Variants in MVB12B observed in about 807,000 individuals in gnomAD.
MVB12B encodes the protein ESCRT-I complex subunit MVB12B.
MVB12B carries 16 observed loss-of-function variants against 41.6 expected under a neutral mutation model. The ratio of observed to expected loss-of-function variants is 0.38; its 90% CI spans 0.26 to 0.58. The LOEUF (loss-of-function observed/expected upper bound fraction) is 0.58, where lower values mean the gene tolerates loss of function less well. Among genes scored for constraint, MVB12B ranks in the 20% least tolerant of loss-of-function variants. MVB12B has a pLI of 0.62. For synonymous variants in MVB12B, 133 were observed against 139.7 expected (o/e 0.95, Z 0.34); for missense variants, 274 against 380.2 (o/e 0.72, Z 2.32).
chr9:126,374,688 G>C (rs535461153), intron 2 of MVB12B, among the ~76,000 whole-genome samples: 6 of 152,358 alleles, frequency 3.9e-5, no homozygotes, highest in African/African-American at 1.4e-4. Context: ...TGTGGGGAAG[G>C]CTGGAATCAG....
chr9:126,374,443 G>A (rs899456550), intron 2 of MVB12B, among the ~76,000 whole-genome samples: 8 of 152,202 alleles, frequency 5.3e-5, no homozygotes, highest in African/African-American at 1.9e-4. Flanking sequence ...CTTCCTGAAC[G>A]CACATCATCC....
chr9:126,377,716 G>A (rs917097234), intron 2 of MVB12B, among the ~76,000 whole-genome samples: 2 of 152,066 alleles, frequency 1.3e-5, no homozygotes, highest in East Asian at 3.9e-4. Context: ...AGTCCAGGGT[G>A]GGATAGCAGC....
intron 7 of MVB12B, chr9:126,481,086 T>G: frequency 1.8e-5 from 8 of 434,532 alleles, no homozygotes; most frequent in Admixed American, 1.2e-4. Context: ...GGGTGGAGAG[T>G]AGGGGTTCTG....
chr9:126,492,300 C>T (rs929961824), intron 9 of MVB12B, among the ~76,000 whole-genome samples: 5 of 151,652 alleles, frequency 3.3e-5, no homozygotes, highest in African/African-American at 1.2e-4. Flanking sequence ...AACCAATCCA[C>T]TATTGACTGA....
At chr9:126,399,929 C>A (rs774247471) in intron 6 of MVB12B, among the ~76,000 whole-genome samples, 1 of 152,158 alleles carries the variant, frequency 6.6e-6, no homozygotes, top group African/African-American at 2.4e-5. Context: ...TGGGCGCAGG[C>A]GGAGAGGGCC....
At chr9:126,445,582 C>T (rs1832747173) in intron 7 of MVB12B, among the ~76,000 whole-genome samples, 1 of 152,182 alleles carries the variant, frequency 6.6e-6, no homozygotes, top group African/African-American at 2.4e-5. Flanking sequence ...GGATTACAGG[C>T]GTGAGCCACC....
intron 2 of MVB12B, among the ~76,000 whole-genome samples, chr9:126,343,148 G>C (rs1829495461): frequency 6.6e-6 from 1 of 152,204 alleles, no homozygotes; most frequent in Non-Finnish European, 1.5e-5. Flanking sequence ...TCTGGGTCAG[G>C]GGAGCCTTCT....
chr9:126,367,943 G>C lies in MVB12B; in HGVS notation c.205-13121G>C, dbSNP rs1201456069. On this transcript the variant is annotated intron_variant, in intron 2 of 9. Coordinates refer to ENST00000361171, the MANE Select transcript of MVB12B (RefSeq NM_033446.3). The surrounding 1 kb of genome is among the most constrained non-coding windows in gnomAD (Gnocchi z 4.3). ...GACATATCATAAATGGCTAGAGAAT[G>C]TTTGCTGAAAGAAAAGGAAAGACTT... is the stretch of plus-strand genomic sequence containing the variant. 6.6e-6 allele frequency among the ~76,000 whole-genome samples: 1 copy of C among 152,302 alleles called. No individual in the cohort carries two copies. The highest frequency in any genetic ancestry group is 1.9e-4 in the East Asian group (1 of 5,186).
chr9:126,496,400 A>C (rs1410759143), intron 9 of MVB12B, among the ~76,000 whole-genome samples: 34 of 88,142 alleles, frequency 3.9e-4, no homozygotes, highest in East Asian at 9.9e-4. Context: ...ACCCATACCC[A>C]CCCACTCACT....
chr9:126,469,443 A>C (rs1833268679), intron 7 of MVB12B, among the ~76,000 whole-genome samples: 1 of 152,232 alleles, frequency 6.6e-6, no homozygotes, highest in Non-Finnish European at 1.5e-5. Flanking sequence ...GGTTTTGAGA[A>C]GGTAAAAAGA....
At chr9:126,338,158 C>A (rs1398610694) in intron 1 of MVB12B, among the ~76,000 whole-genome samples, 5 of 152,230 alleles carry the variant, frequency 3.3e-5, no homozygotes, top group African/African-American at 1.2e-4. Context: ...TTCACAAAGG[C>A]CGCCTCCGTC....
At chr9:126,352,302 G>T (rs1240093491) in intron 2 of MVB12B, among the ~76,000 whole-genome samples, 2 of 152,122 alleles carry the variant, frequency 1.3e-5, no homozygotes, top group Non-Finnish European at 2.9e-5. Flanking sequence ...TGTAGAATTA[G>T]TATTAATTAT....
intron 1 of MVB12B, among the ~76,000 whole-genome samples, chr9:126,334,158 A>C (rs1829213943): frequency 6.6e-6 from 1 of 152,170 alleles, no homozygotes; most frequent in Admixed American, 6.5e-5. Context: ...GCTTAGCCCA[A>C]GTGGCTCCGT....
chr9:126,344,188 G>A (rs954003260), intron 2 of MVB12B, among the ~76,000 whole-genome samples: 3 of 152,158 alleles, frequency 2.0e-5, no homozygotes, highest in Admixed American at 6.5e-5. Flanking sequence ...GGGAGACAGC[G>A]ATGAGCAAAA....
chr9:126,447,926 T>A (rs1219900102), intron 7 of MVB12B: 17 of 152,296 alleles, frequency 1.1e-4, no homozygotes. Flanking sequence ...ATTCCCCTTT[T>A]GTCGCATCTC....
intron 7 of MVB12B, among the ~76,000 whole-genome samples, chr9:126,426,602 T>C (rs1236403198): frequency 6.6e-6 from 1 of 152,120 alleles, no homozygotes; most frequent in African/African-American, 2.4e-5. Context: ...TTTTTTAATA[T>C]GTTTAGATGT....
Position 126,473,361 on chromosome 9 carries a change from C to T in MVB12B, c.758-8008C>T, listed in dbSNP as rs112466340. ...TTGAATCCTGGCTCCAGCCAAGCCT[C>T]ATAACTCCTCTAAGCCTTGCAAGTG... On this transcript the variant is annotated intron_variant, in intron 7 of 9. Coordinates refer to ENST00000361171, the MANE Select transcript of MVB12B (RefSeq NM_033446.3). The surrounding 1 kb of genome is among the most constrained non-coding windows in gnomAD (Gnocchi z 4.0). Among the ~76,000 whole-genome samples the T allele has an allele frequency of 2.6e-3, 399 of 152,368 alleles. No individual in the cohort carries two copies. The highest frequency in any genetic ancestry group is 9.0e-3 in the African/African-American group (375 of 41,590).
chr9:126,445,801 G>T (rs1255803304), intron 7 of MVB12B, among the ~76,000 whole-genome samples: 1 of 151,600 alleles, frequency 6.6e-6, no homozygotes, highest in Non-Finnish European at 1.5e-5. Flanking sequence ...TGGCCCTGTT[G>T]TTTTTTTTAA....
chr9:126,351,470 T>C (rs1020405730), intron 2 of MVB12B, among the ~76,000 whole-genome samples: 5 of 148,764 alleles, frequency 3.4e-5, no homozygotes, highest in Non-Finnish European at 3.0e-5. Flanking sequence ...TGGAAAACAT[T>C]CAGTCTTTCA....
Sources: allele counts gnomAD v4.1 joint callset (sites outside exome capture counted in the v4.1 genomes callset), GRCh38; gene constraint gnomAD v4.1.1; non-coding constraint Gnocchi (gnomAD v3.1); transcripts MANE v1.5; gene names NCBI Gene and HGNC (gene_info 2026-07-23, HGNC 2026-07-21).